The following PDE10A variants were observed in gnomAD, a reference collection of about 807,000 sequenced individuals.
PDE10A encodes phosphodiesterase 10A, also known as cAMP and cAMP-inhibited cGMP 3',5'-cyclic phosphodiesterase 10A.
In PDE10A, 39 loss-of-function variants were observed where a neutral mutation model predicts 97.7. That is an observed-to-expected ratio of 0.40 (90% confidence interval 0.31 to 0.52). The LOEUF (loss-of-function observed/expected upper bound fraction) is 0.52. PDE10A is among the 20% of genes least tolerant of loss of function. The probability of loss-of-function intolerance (pLI) is 0.56; values close to 1 mark genes in which losing one functional copy is unlikely to be tolerated. For synonymous variants in PDE10A, 371 were observed against 376.8 expected, an observed-to-expected ratio of 0.98 and a Z score of 0.18; for missense variants, 731 against 1,047.8, an observed-to-expected ratio of 0.70 and a Z score of 4.17.
At chr6:165,712,799 C>T in intron 1 of PDE10A, among the ~76,000 whole-genome samples, 1 of 151,896 alleles carries the variant, frequency 6.6e-6, no homozygotes. Context: ...GCCACCACGC[C>T]CGGCTTATTT....
intron 19 of PDE10A, among the ~76,000 whole-genome samples, chr6:165,340,261 T>G (rs1255960915): frequency 6.6e-6 from 1 of 152,226 alleles, no homozygotes; most frequent in Non-Finnish European, 1.5e-5. Flanking sequence ...TTCCTAGTAT[T>G]TTTCCTAACT....
Position 165,533,040 on chromosome 6 carries a change from A to G in PDE10A, c.994+10400T>C, listed in dbSNP as rs1583482765. 1.3e-5 allele frequency among the ~76,000 whole-genome samples: 2 copies of G among 152,322 alleles called. 1 individual carries two copies. Among genetic ancestry groups the G allele is most frequent in the South Asian group, 4.1e-4 (2 of 4,824 alleles). ...ATCTCAGCCCAGTCAGAATGGCTAAAACTAAACCATGTGGATTCTTCAATC... is the reference window on the plus strand; with the variant it reads ...ATCTCAGCCCAGTCAGAATGGCTAAGACTAAACCATGTGGATTCTTCAATC... On this transcript the variant is annotated intron_variant, in intron 2 of 21. Transcript: ENST00000539869.
At chr6:165,974,380 T>A (rs539764755) in intron 1 of PDE10A, among the ~76,000 whole-genome samples, 1 of 152,122 alleles carries the variant, frequency 6.6e-6, no homozygotes, top group East Asian at 1.9e-4. Flanking sequence ...CCAGGGGGTA[T>A]AGTAAGTGCC....
intron 1 of PDE10A, chr6:165,986,606 A>G (rs1785229899): frequency 6.6e-6 from 1 of 150,854 alleles, no homozygotes; most frequent in Non-Finnish European, 1.5e-5. Context: ...TCCTTCAAGT[A>G]GAAGGGTGAG....
At chr6:165,629,701 T>C (rs1583676976) in intron 1 of PDE10A, among the ~76,000 whole-genome samples, 1 of 151,892 alleles carries the variant, frequency 6.6e-6, no homozygotes, top group Non-Finnish European at 1.5e-5. Context: ...ACCCGGCTAA[T>C]TTTTGTATTT....
intron 1 of PDE10A, among the ~76,000 whole-genome samples, chr6:165,625,368 A>G (rs1355246392): frequency 2.6e-5 from 4 of 152,324 alleles, no homozygotes; most frequent in Middle Eastern, 3.4e-3. Context: ...AGTCCACAAG[A>G]CTTGCTGTCT....
Position 165,526,590 on chromosome 6 carries a change from C to A in PDE10A, c.994+16850G>T, listed in dbSNP as rs117014828. On this transcript the variant is annotated intron_variant, in intron 2 of 21. Coordinates refer to ENST00000539869, the MANE Select transcript of PDE10A (RefSeq NM_001385079.1). Reference sequence around the variant, plus strand: ...AGACGAGGGGTGGTGATTCCCACCACATCCCCGTTCAACTCTCCCATTTGG... The same window carrying A: ...AGACGAGGGGTGGTGATTCCCACCAAATCCCCGTTCAACTCTCCCATTTGG... Among the ~76,000 whole-genome samples, 2,902 of 152,314 alleles carry A rather than the reference C, an allele frequency of 0.019. 136 individuals carry two copies. In the East Asian group the frequency reaches 0.2, roughly 11 times the overall value.
chr6:165,390,586 G>C (rs563657347), intron 16 of PDE10A, among the ~76,000 whole-genome samples: 140 of 152,268 alleles, frequency 9.2e-4, no homozygotes, highest in African/African-American at 2.9e-3. Flanking sequence ...GGGAAGCACT[G>C]GTAGGCAGTG....
intron 18 of PDE10A, 121 bp downstream of exon 18, chr6:165,379,073 C>T: frequency 1.5e-6 from 1 of 662,008 alleles, no homozygotes; most frequent in South Asian, 2.1e-5. Context: ...AAGTGAAAAA[C>T]ATGTAAATTT....
intron 1 of PDE10A, among the ~76,000 whole-genome samples, chr6:165,680,854 A>C (rs1790956330): frequency 6.6e-6 from 1 of 152,232 alleles, no homozygotes. Context: ...ATTGCACTCC[A>C]GCCTGGGTGA....
chr6:165,570,887 G>A (rs1028749123), intron 1 of PDE10A, among the ~76,000 whole-genome samples: 1 of 152,156 alleles, frequency 6.6e-6, no homozygotes, highest in Non-Finnish European at 1.5e-5. Flanking sequence ...CAAGCCTTTG[G>A]TGACATTTTC....
Position 165,812,998 on chromosome 6 carries a change from T to A in PDE10A, c.-615+174531A>T, listed in dbSNP as rs559213727. 2.0e-4 allele frequency among the ~76,000 whole-genome samples: 30 copies of A among 152,278 alleles called. 1 individual carries two copies. The highest frequency in any genetic ancestry group is 6.5e-4 in the African/African-American group (27 of 41,544). On this transcript the variant is annotated intron_variant, in intron 1 of 19. Coordinates refer to the PDE10A transcript ENST00000366882. The stretch of plus-strand genomic sequence containing the variant: ...CAGTGGTTTCTGTGTCTGCTTAGAA[T>A]TTGGAGGAATGCCTTGATGATCAAG...
chr6:165,894,248 G>A (rs1171668084), intron 1 of PDE10A: 3 of 455,068 alleles, frequency 6.6e-6, no homozygotes, highest in Non-Finnish European at 1.3e-5. Context: ...CTGTGACATG[G>A]TGGCAGGTTT....
chr6:165,878,129 T>G (rs185879802), intron 1 of PDE10A, among the ~76,000 whole-genome samples: 95 of 152,324 alleles, frequency 6.2e-4, no homozygotes, highest in African/African-American at 2.1e-3. Flanking sequence ...AGAGACTTCA[T>G]GAGACACCAA....
intron 1 of PDE10A, among the ~76,000 whole-genome samples, chr6:165,614,006 A>T (rs1787613641): frequency 6.6e-6 from 1 of 152,132 alleles, no homozygotes; most frequent in African/African-American, 2.4e-5. Flanking sequence ...CCAGCCTGGG[A>T]CGCTGCCCTG....
chr6:165,946,852 CTA>C (rs1483584062), intron 1 of PDE10A: 1 of 152,126 alleles, frequency 6.6e-6, no homozygotes, highest in African/African-American at 2.4e-5. Flanking sequence ...TATTTTCTAT[CTA>C]TATATACACT....
At chr6:165,496,635 A>C (rs1357564805) in intron 2 of PDE10A, among the ~76,000 whole-genome samples, 1 of 152,198 alleles carries the variant, frequency 6.6e-6, no homozygotes, top group East Asian at 1.9e-4. Flanking sequence ...TCTTAACTAA[A>C]TATAAATTTC....
At chr6:165,681,560 C>A (rs894797644) in intron 1 of PDE10A, among the ~76,000 whole-genome samples, 1 of 152,158 alleles carries the variant, frequency 6.6e-6, no homozygotes, top group Admixed American at 6.5e-5. Context: ...CTAACAACCT[C>A]CCAGGGGATA....
At chr6:165,884,338 C>T (rs1455605870) in intron 1 of PDE10A, among the ~76,000 whole-genome samples, 1 of 152,168 alleles carries the variant, frequency 6.6e-6, no homozygotes, top group Non-Finnish European at 1.5e-5. Context: ...CGTCTTTCAT[C>T]GATTTTTGAT....
Sources: gnomAD v4.1 joint callset for allele counts (sites outside exome capture counted in the v4.1 genomes callset) on GRCh38, gnomAD v4.1.1 for gene constraint, MANE v1.5 for transcripts, NCBI Gene and HGNC (gene_info 2026-07-23, HGNC 2026-07-21) for gene names.